Variants in NCKAP5 observed in about 807,000 individuals in gnomAD.
NCKAP5 encodes NCK associated protein 5, also known as nck-associated protein 5.
A neutral mutation model predicts 167.0 loss-of-function variants in NCKAP5; 92 were observed. That is an observed-to-expected ratio of 0.55 (90% confidence interval 0.47 to 0.66). The LOEUF is 0.66. Among genes scored for constraint, NCKAP5 ranks in the 30% least tolerant of loss-of-function variants. The probability of loss-of-function intolerance (pLI) is 0.00; values close to 1 mark genes in which losing one functional copy is unlikely to be tolerated. For missense variants in NCKAP5, 2,378 were observed against 2,315.0 expected (o/e 1.03, Z -0.56); for synonymous variants, 891 against 877.4 (o/e 1.02, Z -0.27).
chr2:133,640,049 G>A, the NCKAP5 span, among the ~76,000 whole-genome samples: 9 of 152,154 alleles, frequency 5.9e-5, no homozygotes, highest in Non-Finnish European at 1.3e-4. Flanking sequence ...GATTAGCCAT[G>A]CATATATATT....
chr2:132,885,715 G>C (rs925615127), intron 8 of NCKAP5, among the ~76,000 whole-genome samples: 1 of 152,202 alleles, frequency 6.6e-6, no homozygotes, highest in African/African-American at 2.4e-5. Flanking sequence ...GAATAGATAG[G>C]CTGGCTGGAA....
the NCKAP5 span, among the ~76,000 whole-genome samples, chr2:133,597,493 C>A: frequency 2.1e-4 from 32 of 151,980 alleles, no homozygotes; most frequent in South Asian, 6.7e-3. Flanking sequence ...CAAGGTGAAA[C>A]CCTGTCTCTA....
chr2:133,605,468 C>G, the NCKAP5 span, among the ~76,000 whole-genome samples: 1 of 152,008 alleles, frequency 6.6e-6, no homozygotes, highest in African/African-American at 2.4e-5. Context: ...GGATGAAGAC[C>G]CGGGGTGTGT....
At chr2:132,798,694 C>T (rs1684796299) in intron 11 of NCKAP5, among the ~76,000 whole-genome samples, 1 of 152,172 alleles carries the variant, frequency 6.6e-6, no homozygotes, top group Non-Finnish European at 1.5e-5. Flanking sequence ...CCCTTCCCTT[C>T]ATTGAAATAG....
At chr2:132,702,017 C>T (rs190116276) in intron 19 of NCKAP5, among the ~76,000 whole-genome samples, 283 of 152,258 alleles carry the variant, frequency 1.9e-3, no homozygotes, top group African/African-American at 6.6e-3. Flanking sequence ...CTATATCTGT[C>T]AGGCTTTTTG....
At chr2:132,744,197 C>A (rs1396421460) in intron 16 of NCKAP5, among the ~76,000 whole-genome samples, 4 of 151,658 alleles carry the variant, frequency 2.6e-5, no homozygotes, top group African/African-American at 4.8e-5. Context: ...GTGAATTGTG[C>A]AGCACACTCT....
At chr2:133,233,434 G>T (rs560864538) in intron 4 of NCKAP5, among the ~76,000 whole-genome samples, 3 of 151,938 alleles carry the variant, frequency 2.0e-5, no homozygotes, top group Non-Finnish European at 4.4e-5. Context: ...CATACATATT[G>T]CATTGAAATA....
chr2:133,102,895 C>T (rs2081563846), intron 6 of NCKAP5, among the ~76,000 whole-genome samples: 1 of 151,178 alleles, frequency 6.6e-6, no homozygotes, highest in Admixed American at 6.6e-5. Context: ...GATTCAAGTC[C>T]CGTGAATGCA....
intron 3 of NCKAP5, among the ~76,000 whole-genome samples, chr2:133,406,391 C>G (rs1688430909): frequency 6.6e-6 from 1 of 152,078 alleles, no homozygotes; most frequent in Non-Finnish European, 1.5e-5. Context: ...TGGAATTCAG[C>G]CTGAGTCTCT....
At chr2:132,898,651 A>G (rs1350434857) in intron 8 of NCKAP5, among the ~76,000 whole-genome samples, 1 of 152,250 alleles carries the variant, frequency 6.6e-6, no homozygotes, top group Non-Finnish European at 1.5e-5. Context: ...GCATGAAAAC[A>G]ACATTAATCT....
intron 16 of NCKAP5, among the ~76,000 whole-genome samples, chr2:132,733,558 A>G (rs1460550153): frequency 6.6e-6 from 1 of 152,238 alleles, no homozygotes; most frequent in African/African-American, 2.4e-5. Context: ...GGCACTAAGC[A>G]CACTGTGAGA....
chr2:132,760,131 C>T (rs146284016), intron 16 of NCKAP5, among the ~76,000 whole-genome samples: 2 of 151,976 alleles, frequency 1.3e-5, no homozygotes, highest in African/African-American at 4.8e-5. Context: ...GGATTTATTT[C>T]TCCTTTGACA....
chr2:133,089,927 A>G (rs2081117007), intron 6 of NCKAP5, among the ~76,000 whole-genome samples: 1 of 152,184 alleles, frequency 6.6e-6, no homozygotes, highest in South Asian at 2.1e-4. Flanking sequence ...AGGAGCCAAA[A>G]TCTCATACTA....
the NCKAP5 span, among the ~76,000 whole-genome samples, chr2:133,616,298 A>C: frequency 6.7e-6 from 1 of 149,516 alleles, no homozygotes; most frequent in Non-Finnish European, 1.5e-5. Context: ...AAATAACTAA[A>C]ATCAGAGCAG....
At chr2:133,308,984 A>AC (rs1171157391) in intron 3 of NCKAP5, among the ~76,000 whole-genome samples, 1 of 151,866 alleles carries the variant, frequency 6.6e-6, no homozygotes, top group Non-Finnish European at 1.5e-5. Flanking sequence ...TGCTGGGATT[A>AC]CAGGCGTGAG....
At chr2:133,542,362 T>C (rs1024683494) in intron 2 of NCKAP5, among the ~76,000 whole-genome samples, 12 of 152,202 alleles carry the variant, frequency 7.9e-5, no homozygotes, top group Non-Finnish European at 1.8e-4. Flanking sequence ...AATCCTATAA[T>C]GTGTTTTAGC....
intron 4 of NCKAP5, among the ~76,000 whole-genome samples, chr2:133,278,782 CA>C (rs59725110): frequency 0.075 from 7,025 of 94,028 alleles, 186 homozygotes; most frequent in African/African-American, 0.098. Context: ...CCCTAAACTA[CA>C]AAAAAAAAAA....
chr2:133,480,533 C>T (rs1343722587), intron 3 of NCKAP5, among the ~76,000 whole-genome samples: 1 of 152,072 alleles, frequency 6.6e-6, no homozygotes, highest in Non-Finnish European at 1.5e-5. Flanking sequence ...AGGTCACACT[C>T]ACATATTCAG....
At chr2:132,965,530 T>G (rs1029032886) in intron 7 of NCKAP5, among the ~76,000 whole-genome samples, 4 of 152,216 alleles carry the variant, frequency 2.6e-5, no homozygotes, top group Admixed American at 6.5e-5. Flanking sequence ...TATATAGTTT[T>G]TCATTCATCA....
Sources: allele counts gnomAD v4.1 joint callset (sites outside exome capture counted in the v4.1 genomes callset), GRCh38; gene constraint gnomAD v4.1.1; transcripts MANE v1.5; gene names NCBI Gene and HGNC (gene_info 2026-07-23, HGNC 2026-07-21).